Variants in ADGRB3 observed in about 807,000 individuals in gnomAD.
ADGRB3 encodes brain-specific angiogenesis inhibitor 3.
Under a neutral mutation model 193.4 loss-of-function variants are expected in ADGRB3, and 37 were observed. The observed-to-expected ratio is 0.19, with a 90% CI of 0.15 to 0.25. ADGRB3 has a LOEUF of 0.25. Ranked by LOEUF, ADGRB3 falls within the 10% of genes least tolerant of loss-of-function variation. The pLI, the probability that ADGRB3 is intolerant of heterozygous loss-of-function variation, is 1.00. For missense variants in ADGRB3, 1,637 were observed against 1,852.9 expected (o/e 0.88, Z 2.14); for synonymous variants, 690 against 644.2 (o/e 1.07, Z -1.08).
Position 68,923,190 on chromosome 6 carries a change from G to T in ADGRB3, c.758-7369G>T, listed in dbSNP as rs532304012. 6.6e-5 allele frequency among the ~76,000 whole-genome samples: 10 copies of T among 152,104 alleles called. No homozygotes were observed. The South Asian group carries it at 1.9e-3, about 28-fold the overall frequency. ...TTTTGTAATAAACTAAAATATAGTG[G>T]TAGATAAATGGTAAAACATGACCAG... is the stretch of plus-strand genomic sequence containing the variant. On this transcript the variant is annotated intron_variant, in intron 3 of 31. Coordinates refer to ENST00000370598, the MANE Select transcript of ADGRB3 (RefSeq NM_001704.3).
At chr6:69,369,396 T>A (rs571004594) in intron 29 of ADGRB3, among the ~76,000 whole-genome samples, 2 of 152,106 alleles carry the variant, frequency 1.3e-5, no homozygotes, top group African/African-American at 4.8e-5. Context: ...CAATGCCCCA[T>A]GCCCCTTTAA....
At chr6:69,014,517 G>T (rs1770033163) in intron 12 of ADGRB3, among the ~76,000 whole-genome samples, 1 of 151,912 alleles carries the variant, frequency 6.6e-6, no homozygotes, top group African/African-American at 2.4e-5. Context: ...CAGTGATTTT[G>T]ATTCAAAGCC....
chr6:69,108,224 T>C (rs539238125), intron 17 of ADGRB3, among the ~76,000 whole-genome samples: 1 of 152,250 alleles, frequency 6.6e-6, no homozygotes, highest in African/African-American at 2.4e-5. Context: ...TGCAAATTCC[T>C]CATTGCTATT....
intron 3 of ADGRB3, among the ~76,000 whole-genome samples, chr6:68,683,076 C>T (rs539339331): frequency 3.9e-5 from 6 of 152,004 alleles, no homozygotes; most frequent in South Asian, 4.2e-4. Context: ...TGAGCCACCG[C>T]GCCTGGCCAA....
intron 3 of ADGRB3, among the ~76,000 whole-genome samples, chr6:68,649,063 G>T (rs1325104515): frequency 6.6e-6 from 1 of 152,038 alleles, no homozygotes; most frequent in Non-Finnish European, 1.5e-5. Flanking sequence ...TGTCAATTAT[G>T]CAGAATACTC....
intron 3 of ADGRB3, among the ~76,000 whole-genome samples, chr6:68,671,107 T>G (rs1353815184): frequency 6.6e-6 from 1 of 152,096 alleles, no homozygotes; most frequent in Non-Finnish European, 1.5e-5. Context: ...TATGTTGATG[T>G]TGTATCCTGC....
chr6:69,373,115 T>C (rs1444553110), intron 30 of ADGRB3, among the ~76,000 whole-genome samples: 1 of 152,060 alleles, frequency 6.6e-6, no homozygotes. Context: ...TAATGACGTT[T>C]AAGCACCACA....
chr6:69,144,296 A>C (rs1451111138), intron 17 of ADGRB3, among the ~76,000 whole-genome samples: 1 of 152,182 alleles, frequency 6.6e-6, no homozygotes, highest in East Asian at 1.9e-4. Context: ...TATTAGTTCT[A>C]ATAGTTTTTT....
intron 3 of ADGRB3, among the ~76,000 whole-genome samples, chr6:68,728,267 A>G (rs564852940): frequency 5.3e-5 from 8 of 150,878 alleles, no homozygotes; most frequent in Non-Finnish European, 1.2e-4. Context: ...TCCCAAAGCT[A>G]TACTTTCCAG....
At chr6:68,654,383 G>A (rs964340258) in intron 3 of ADGRB3, among the ~76,000 whole-genome samples, 1 of 151,918 alleles carries the variant, frequency 6.6e-6, no homozygotes, top group African/African-American at 2.4e-5. Flanking sequence ...CAAGAAGTTT[G>A]GATTATGATA....
chr6:68,956,240 A>G lies in ADGRB3; in HGVS notation c.1360+52A>G, dbSNP rs770919140. On this transcript the variant is annotated intron_variant, in intron 7 of 31. Transcript: ENST00000370598. Reference sequence around the variant, plus strand: ...GGCACTCGTACCATGTAAAGGGCACATTATAAAATGTGTCAGAACTATGCC... The same window carrying G: ...GGCACTCGTACCATGTAAAGGGCACGTTATAAAATGTGTCAGAACTATGCC... 3.9e-6 allele frequency: 6 copies of G among 1,525,556 alleles called. No homozygotes were observed. In the South Asian group the frequency reaches 7.6e-5, roughly 19 times the overall value. 94.5% of individuals were successfully genotyped at this position (1,525,556 alleles called of 1,614,324 possible). A position where few individuals can be genotyped will look rare whatever the true frequency, so the allele number is the denominator to read the frequency against.
rs971422854 is a variant in ADGRB3, at chr6:68,895,959, CA to C, written c.758-34594del. Reference sequence around the variant, plus strand: ...ATGGAGTAGAGAGTGAGAGGCAAAGCAAAAAACAGTGGTATTTCTTTGTGTG... The same window carrying C: ...ATGGAGTAGAGAGTGAGAGGCAAAGCAAAAACAGTGGTATTTCTTTGTGTG... On this transcript the variant is annotated intron_variant, in intron 3 of 31. Transcript: ENST00000370598. 6.6e-5 allele frequency among the ~76,000 whole-genome samples: 10 copies of C among 151,608 alleles called. 2 individuals are homozygous for C. The highest frequency in any genetic ancestry group is 2.6e-4 in the Admixed American group (4 of 15,230).
At chr6:68,867,557 A>T (rs1305904395) in intron 3 of ADGRB3, among the ~76,000 whole-genome samples, 2 of 152,146 alleles carry the variant, frequency 1.3e-5, no homozygotes, top group African/African-American at 4.8e-5. Context: ...GGAGCTATAC[A>T]AAGAAGCCAC....
intron 20 of ADGRB3, among the ~76,000 whole-genome samples, chr6:69,289,171 G>A (rs1767614330): frequency 6.6e-6 from 1 of 152,122 alleles, no homozygotes; most frequent in African/African-American, 2.4e-5. Flanking sequence ...TAAAGCAATT[G>A]TAAAAGAAGA....
At chr6:68,710,378 T>A (rs1765389821) in intron 3 of ADGRB3, among the ~76,000 whole-genome samples, 1 of 152,092 alleles carries the variant, frequency 6.6e-6, no homozygotes, top group Non-Finnish European at 1.5e-5. Context: ...TTTGGGTAGT[T>A]CTCACTCTTC....
At chr6:69,362,789 C>T (rs994632198) in intron 29 of ADGRB3, among the ~76,000 whole-genome samples, 1 of 151,962 alleles carries the variant, frequency 6.6e-6, no homozygotes, top group Admixed American at 6.6e-5. Flanking sequence ...AGAATAGCTG[C>T]AGTTTCTTTA....
At chr6:68,918,235 G>A (rs1034963339) in intron 3 of ADGRB3, among the ~76,000 whole-genome samples, 5 of 152,118 alleles carry the variant, frequency 3.3e-5, no homozygotes, top group Non-Finnish European at 7.4e-5. Context: ...GATGTTGGGG[G>A]AAGAAAAACC....
At chr6:69,140,920 C>A (rs1774319430) in intron 17 of ADGRB3, among the ~76,000 whole-genome samples, 1 of 152,006 alleles carries the variant, frequency 6.6e-6, no homozygotes, top group African/African-American at 2.4e-5. Context: ...TGCTTGATTC[C>A]AGGCACTGTT....
intron 17 of ADGRB3, chr6:69,232,685 A>G (rs531634580): frequency 1.4e-6 from 2 of 1,422,402 alleles, no homozygotes; most frequent in East Asian, 5.0e-5. Flanking sequence ...AGTCGGAACC[A>G]GCTGATGCCG....
Sources: gnomAD v4.1 joint callset for allele counts (sites outside exome capture counted in the v4.1 genomes callset) on GRCh38, gnomAD v4.1.1 for gene constraint, MANE v1.5 for transcripts, NCBI Gene and HGNC (gene_info 2026-07-23, HGNC 2026-07-21) for gene names.